The following TET3 variants were observed in gnomAD, a reference collection of about 807,000 sequenced individuals.
TET3 encodes tet methylcytosine dioxygenase 3.
A neutral mutation model predicts 141.4 loss-of-function variants in TET3; 19 were observed. The observed-to-expected ratio is 0.13, with a 90% CI of 0.09 to 0.20. The LOEUF is 0.20. TET3 is among the 10% of genes least tolerant of loss of function. TET3 has a pLI of 1.00. For synonymous variants in TET3, 1,043 were observed against 980.9 expected (o/e 1.06, Z -1.18); for missense variants, 1,874 against 2,356.9 (o/e 0.80, Z 4.24).
At chr2:74,033,135 T>C (rs1408003635) in intron 3 of TET3, among the ~76,000 whole-genome samples, 1 of 152,234 alleles carries the variant, frequency 6.6e-6, no homozygotes, top group Admixed American at 6.5e-5. Flanking sequence ...ATGTGTAGTT[T>C]GCAGTTTCAG....
intron 4 of TET3, among the ~76,000 whole-genome samples, chr2:74,067,954 T>C (rs1326471017): frequency 1.3e-5 from 2 of 152,198 alleles, no homozygotes; most frequent in East Asian, 3.9e-4. Flanking sequence ...TGGAAAGTGA[T>C]GTAAACAGAT....
chr2:74,037,653 C>T (rs897239561), intron 3 of TET3, among the ~76,000 whole-genome samples: 3 of 152,096 alleles, frequency 2.0e-5, no homozygotes, highest in African/African-American at 7.2e-5. Context: ...TTCATTCTGG[C>T]CAAAAACACC....
chr2:74,025,435 C>T (rs1424983677), intron 3 of TET3, among the ~76,000 whole-genome samples: 1 of 151,290 alleles, frequency 6.6e-6, no homozygotes, highest in Non-Finnish European at 1.5e-5. Flanking sequence ...CCACAGGCAC[C>T]CACCACCACG....
intron 2 of TET3, among the ~76,000 whole-genome samples, chr2:73,988,212 G>A (rs1014125950): frequency 1.3e-5 from 2 of 152,208 alleles, no homozygotes; most frequent in African/African-American, 4.8e-5. Flanking sequence ...GTGTTATGAA[G>A]CGGGGGAGGC....
chr2:73,994,638 C>CTTT (rs572235939), intron 2 of TET3, among the ~76,000 whole-genome samples: 37 of 96,732 alleles, frequency 3.8e-4, no homozygotes, highest in African/African-American at 5.4e-4. Flanking sequence ...TTCTTTCTTT[C>CTTT]TTTTTTTTTT....
chr2:74,112,933 A>C (rs112038954), downstream of TET3, among the ~76,000 whole-genome samples: 1 of 140,980 alleles, frequency 7.1e-6, no homozygotes, highest in Non-Finnish European at 1.5e-5. Context: ...ATGGGACCCG[A>C]GAGGCAGAAG....
At chr2:74,051,233 A>G (rs542091728) in intron 4 of TET3, among the ~76,000 whole-genome samples, 50 of 152,344 alleles carry the variant, frequency 3.3e-4, no homozygotes, top group African/African-American at 1.2e-3. Context: ...GAGAGGATAC[A>G]TGTTCGCTTG....
At chr2:74,056,359 C>T (rs1688213295) in intron 4 of TET3, among the ~76,000 whole-genome samples, 1 of 152,174 alleles carries the variant, frequency 6.6e-6, no homozygotes, top group Non-Finnish European at 1.5e-5. Flanking sequence ...TATATTCATT[C>T]TCTCCCCAGC....
the TET3 span, among the ~76,000 whole-genome samples, chr2:74,133,123 A>G: frequency 6.9e-6 from 1 of 144,616 alleles, no homozygotes; most frequent in Admixed American, 7.1e-5. Context: ...CATGTTGGCC[A>G]GGCTGGTCTT....
At chr2:74,041,638 A>G (rs1188129481) in intron 3 of TET3, among the ~76,000 whole-genome samples, 2 of 152,260 alleles carry the variant, frequency 1.3e-5, no homozygotes, top group Non-Finnish European at 1.5e-5. Flanking sequence ...AAACTTGTAT[A>G]TAAGTAGCTA....
chr2:74,008,855 C>G (rs951495637), intron 3 of TET3, among the ~76,000 whole-genome samples: 2 of 152,166 alleles, frequency 1.3e-5, no homozygotes, highest in African/African-American at 4.8e-5. Context: ...TAAAGAAATC[C>G]TGGTTACCTC....
At chr2:74,086,888 T>G (rs571798214) in intron 6 of TET3, among the ~76,000 whole-genome samples, 1 of 152,000 alleles carries the variant, frequency 6.6e-6, no homozygotes, top group African/African-American at 2.4e-5. Flanking sequence ...TACATTCACG[T>G]TGTTGTACAA....
chr2:74,034,619 T>C (rs1686930518), intron 3 of TET3, among the ~76,000 whole-genome samples: 2 of 151,692 alleles, frequency 1.3e-5, no homozygotes, highest in African/African-American at 4.8e-5. Context: ...CTGGGATTCA[T>C]TGATGTTCCT....
Position 74,030,416 on chromosome 2 carries a change from T to C in TET3, c.361-15862T>C, listed in dbSNP as rs1326102305. Among the ~76,000 whole-genome samples, 3 of 152,204 alleles carry C rather than the reference T, an allele frequency of 2.0e-5. 1 individual carries two copies. Among genetic ancestry groups the C allele is most frequent in the Non-Finnish European group, 4.4e-5 (3 of 68,044 alleles). ...GATGAGTGTATAATACTCTGTTGAATTGTATCATAGTTTACCAAACCAAGC... is the reference window on the plus strand; with the variant it reads ...GATGAGTGTATAATACTCTGTTGAACTGTATCATAGTTTACCAAACCAAGC... On this transcript the variant is annotated intron_variant, in intron 3 of 11. Coordinates refer to ENST00000409262, the MANE Select transcript of TET3 (RefSeq NM_001287491.2).
chr2:74,055,905 G>A lies in TET3; in HGVS notation c.2494+7494G>A, dbSNP rs142629927. 3.2e-4 allele frequency among the ~76,000 whole-genome samples: 49 copies of A among 152,244 alleles called. No homozygotes were observed. The East Asian group carries it at 5.8e-3, about 18-fold the overall frequency. On this transcript the variant is annotated intron_variant, in intron 4 of 11. Coordinates refer to ENST00000409262, the MANE Select transcript of TET3 (RefSeq NM_001287491.2). ...ACCACCTGAGACTCTGCAGAGTCCC[G>A]ATCAACACGAAGGGCCTCAACAGGT...
Position 73,986,312 on chromosome 2 carries a change from T to C in TET3, c.-92T>C. The C allele has an allele frequency of 8.7e-7, 1 of 1,149,012 alleles. No individual in the cohort carries two copies. Among genetic ancestry groups the C allele is most frequent in the Non-Finnish European group, 1.1e-6 (1 of 912,954 alleles). 71.2% of individuals were successfully genotyped at this position (1,149,012 alleles called of 1,614,324 possible). On this transcript the variant is annotated 5_prime_UTR_variant, in exon 2 of 12. Transcript: ENST00000409262. ...CACCCTTGTAGACTCTTGACTGTTC[T>C]AGGCGAGAAGGACCTGTTGGTGGCC...
At chr2:74,002,145 C>G (rs1024975423) in intron 2 of TET3, among the ~76,000 whole-genome samples, 2 of 152,144 alleles carry the variant, frequency 1.3e-5, no homozygotes, top group African/African-American at 4.8e-5. Flanking sequence ...CTCAGAGTCC[C>G]GGCTCTGCTG....
At chr2:74,024,941 G>A (rs1423839183) in intron 3 of TET3, among the ~76,000 whole-genome samples, 1 of 152,044 alleles carries the variant, frequency 6.6e-6, no homozygotes, top group Non-Finnish European at 1.5e-5. Context: ...TAGCAGGCCA[G>A]GCGCCGTGGT....
chr2:74,039,971 G>A (rs1687257419), intron 3 of TET3, among the ~76,000 whole-genome samples: 2 of 152,136 alleles, frequency 1.3e-5, no homozygotes, highest in African/African-American at 4.8e-5. Context: ...GAAGAGGAGG[G>A]AACATAGACC....
Sources: gnomAD v4.1 joint callset for allele counts (sites outside exome capture counted in the v4.1 genomes callset) on GRCh38, gnomAD v4.1.1 for gene constraint, MANE v1.5 for transcripts, NCBI Gene and HGNC (gene_info 2026-07-23, HGNC 2026-07-21) for gene names.